PRR5L: variants seen among roughly 807,000 people sequenced by gnomAD.
The protein encoded by PRR5L is proline rich 5 like.
In PRR5L, 21 loss-of-function variants were observed where a neutral mutation model predicts 36.4. The observed-to-expected ratio is 0.58, with a 90% CI of 0.41 to 0.83. The LOEUF is 0.83. Among genes scored for constraint, PRR5L ranks in the 40% least tolerant of loss-of-function variants. PRR5L has a pLI of 0.00. For missense variants in PRR5L, 381 were observed against 473.3 expected (o/e 0.80, Z 1.81); for synonymous variants, 188 against 197.0 (o/e 0.95, Z 0.38).
chr11:36,462,244 G>T, intron 8 of PRR5L, 98 bp from the exon 9 acceptor site: 1 of 1,237,442 alleles, frequency 8.1e-7, no homozygotes. Context: ...TGCTCCTAAA[G>T]GTTGAGCACC....
chr11:36,461,671 G>A (rs1859184742), intron 8 of PRR5L, among the ~76,000 whole-genome samples: 2 of 152,126 alleles, frequency 1.3e-5, no homozygotes, highest in Non-Finnish European at 1.5e-5. Flanking sequence ...CAGCCTTCCT[G>A]TGTCTGCCTC....
intron 1 of PRR5L, among the ~76,000 whole-genome samples, chr11:36,346,518 G>T (rs1830370956): frequency 2.0e-5 from 3 of 152,054 alleles, no homozygotes; most frequent in Non-Finnish European, 4.4e-5. Context: ...GGGAGGCGGA[G>T]CTTGTAGTGA....
chr11:36,374,683 T>G (rs868773853), intron 1 of PRR5L, among the ~76,000 whole-genome samples: 10 of 152,214 alleles, frequency 6.6e-5, no homozygotes, highest in African/African-American at 2.4e-4. Flanking sequence ...TTAATATCCT[T>G]TGAATCCCAG....
Position 36,451,927 on chromosome 11 carries a change from C to T in PRR5L, c.712+592C>T, listed in dbSNP as rs542202690. Among the ~76,000 whole-genome samples the T allele has an allele frequency of 7.2e-5, 11 of 152,216 alleles. No homozygotes were observed. In the South Asian group the frequency reaches 2.1e-3, roughly 29 times the overall value. On this transcript the variant is annotated intron_variant, in intron 8 of 8. Transcript: ENST00000530639. ...AGTGAGTGTCAGGCTCTGTACCAGG[C>T]ACCATGGAAAATCTGGAGATGAATC... is the stretch of plus-strand genomic sequence containing the variant.
chr11:36,368,439 G>A (rs571714151), intron 1 of PRR5L, among the ~76,000 whole-genome samples: 8 of 152,252 alleles, frequency 5.3e-5, no homozygotes, highest in African/African-American at 1.9e-4. Flanking sequence ...TCATTTGAGA[G>A]GATTTTTAGG....
chr11:36,404,950 C>T (rs568920642), intron 3 of PRR5L, among the ~76,000 whole-genome samples: 2 of 152,298 alleles, frequency 1.3e-5, no homozygotes, highest in African/African-American at 4.8e-5. Flanking sequence ...CATTTTTCTC[C>T]AAGAACTAAA....
chr11:36,377,010 G>A lies in PRR5L; in HGVS notation c.-125-23987G>A, dbSNP rs946197430. Among the ~76,000 whole-genome samples, 8 of 152,178 alleles carry A rather than the reference G, an allele frequency of 5.3e-5. No homozygotes were observed. Among genetic ancestry groups the A allele is most frequent in the Non-Finnish European group, 4.4e-5 (3 of 68,038 alleles). On this transcript the variant is annotated intron_variant, in intron 1 of 8. Coordinates refer to ENST00000530639, the MANE Select transcript of PRR5L (RefSeq NM_001160167.2). This position sits in a 1 kb window ranked among gnomAD's most constrained non-coding sequence, Gnocchi z 5.1. ...TGGTTGAAGTACCGCCGTGAGGTGG[G>A]ATGCGGATGCTGGTGATCATGGGAC... is the stretch of plus-strand genomic sequence containing the variant.
At chr11:36,449,637 T>TCAGAGGAC (rs1322405600) in intron 7 of PRR5L, among the ~76,000 whole-genome samples, 2 of 152,234 alleles carry the variant, frequency 1.3e-5, no homozygotes, top group African/African-American at 4.8e-5. Context: ...CAGCCTGTAC[T>TCAGAGGAC]CAGAGGACCC....
intron 5 of PRR5L, 101 bp downstream of exon 5, chr11:36,432,011 G>A (rs1209681554): frequency 4.0e-6 from 4 of 1,011,734 alleles, no homozygotes; most frequent in East Asian, 4.8e-5. Context: ...GGCTCCAAGC[G>A]AGTGATTCAC....
rs1367428459 is a variant in PRR5L at position 36,351,032 on chromosome 11, AT to A, written c.-125-49959del. On this transcript the variant is annotated intron_variant, in intron 1 of 8. Transcript: ENST00000530639. ...TATATAGTTATATATTTATATATTT[AT>A]TTTTTAATATATTTTATATGTATTT... Among the ~76,000 whole-genome samples the A allele has an allele frequency of 9.6e-5, 5 of 52,020 alleles. 1 individual carries two copies. The highest frequency in any genetic ancestry group is 1.7e-3 in the East Asian group (1 of 604). The allele number at this position is 52,020 out of a possible 152,430, so 34.1% of individuals were successfully genotyped here. A position where few individuals can be genotyped will look rare whatever the true frequency, so the allele number is the denominator to read the frequency against.
At chr11:36,413,579 A>G (rs1858073088) in intron 3 of PRR5L, among the ~76,000 whole-genome samples, 1 of 148,698 alleles carries the variant, frequency 6.7e-6, no homozygotes, top group African/African-American at 2.5e-5. Context: ...TTTTCCTTAA[A>G]GATAAGTATT....
intron 1 of PRR5L, among the ~76,000 whole-genome samples, chr11:36,390,112 T>C (rs2133541666): frequency 6.6e-6 from 1 of 152,332 alleles, no homozygotes; most frequent in Non-Finnish European, 1.5e-5. Context: ...TAGTCATTTA[T>C]TAAGGCAGAT....
chr11:36,309,911 G>A lies in PRR5L; in HGVS notation c.-126+13473G>A, dbSNP rs964558208. On this transcript the variant is annotated intron_variant, in intron 1 of 8. Transcript: ENST00000530639. ...TACATCACCCATGATTATCCCGTTA[G>A]TTATGTGGCAATTCTTTGACTCCAT... Among the ~76,000 whole-genome samples, 3 of 7,592 alleles carry A rather than the reference G, an allele frequency of 4.0e-4. No individual in the cohort carries two copies. The South Asian group carries it at 0.011, about 28-fold the overall frequency. The allele number at this position is 7,592 out of a possible 152,430, so 5.0% of individuals were successfully genotyped here.
At chr11:36,322,348 A>G (rs1415885377) in intron 1 of PRR5L, among the ~76,000 whole-genome samples, 2 of 152,134 alleles carry the variant, frequency 1.3e-5, no homozygotes, top group African/African-American at 4.8e-5. Flanking sequence ...AATATCTCCA[A>G]CAATATGTAC....
chr11:36,451,072 C>T (rs865834297), intron 7 of PRR5L, 137 bp from the exon 8 acceptor site: 1 of 1,052,824 alleles, frequency 9.5e-7, no homozygotes. Flanking sequence ...TTTCCTTCAT[C>T]CTAACTGCAA....
chr11:36,462,584 G>A lies in PRR5L; in HGVS notation c.955G>A (p.Glu319Lys). ...GGGCCTGGGGGAGGAGGCCAGCAGT[G>A]AGAACAAGTGCCTGCTCCTGCCACC... ...HSGLGEEASS[E>K]NKCLLLPPSF... The change falls in exon 9 of 9, where the codon GAG becomes AAG. Residue 319 changes from glutamate (E) to lysine (K), a missense_variant. Transcript: ENST00000530639. 5 of 1,613,092 alleles carry A rather than the reference G, an allele frequency of 3.1e-6. No individual in the cohort carries two copies. The highest frequency in any genetic ancestry group is 4.2e-6 in the Non-Finnish European group (5 of 1,179,910).
chr11:36,444,832 T>C (rs186032280), intron 6 of PRR5L, among the ~76,000 whole-genome samples: 34 of 152,368 alleles, frequency 2.2e-4, no homozygotes. Context: ...ATGTCCCCTC[T>C]GCTTCCAGCA....
chr11:36,385,282 C>T (rs1199964555), intron 1 of PRR5L, among the ~76,000 whole-genome samples: 1 of 152,186 alleles, frequency 6.6e-6, no homozygotes, highest in Non-Finnish European at 1.5e-5. Flanking sequence ...GGGCCACACC[C>T]AGACAATATG....
rs372916371 is a variant in PRR5L, at chr11:36,343,007, C to T, written c.-126+46569C>T. ...GAAAGGCAAGAACAATTTGATGTTT[C>T]GAGGAGATCATGGTTTTGCAAAAGC... On this transcript the variant is annotated intron_variant, in intron 1 of 8. Coordinates refer to ENST00000530639, the MANE Select transcript of PRR5L (RefSeq NM_001160167.2). Among the ~76,000 whole-genome samples the T allele has an allele frequency of 6.2e-4, 94 of 152,212 alleles. 1 individual carries two copies. The highest frequency in any genetic ancestry group is 1.2e-3 in the Non-Finnish European group (84 of 68,020).
Sources: gnomAD v4.1 joint callset for allele counts (sites outside exome capture counted in the v4.1 genomes callset) on GRCh38, gnomAD v4.1.1 for gene constraint, Gnocchi (gnomAD v3.1) non-coding constraint, MANE v1.5 for transcripts, NCBI Gene and HGNC (gene_info 2026-07-23, HGNC 2026-07-21) for gene names.